Variants in THRB observed in about 807,000 individuals in gnomAD.
THRB encodes nuclear receptor subfamily 1 group A member 2.
THRB carries 12 observed loss-of-function variants against 47.8 expected under a neutral mutation model. That is an observed-to-expected ratio of 0.25 (90% CI 0.16 to 0.41). The LOEUF is 0.41. THRB is among the 10% of genes least tolerant of loss of function. The pLI is 1.00. For missense variants in THRB, 348 were observed against 589.2 expected, an observed-to-expected ratio of 0.59 and a Z score of 4.24; for synonymous variants, 218 against 212.2, an observed-to-expected ratio of 1.03 and a Z score of -0.24.
At chr3:24,469,049 C>T (rs1378054322) in intron 1 of THRB, among the ~76,000 whole-genome samples, 1 of 152,170 alleles carries the variant, frequency 6.6e-6, no homozygotes, top group East Asian at 1.9e-4. Context: ...GACACATCCC[C>T]ATGGCTTTGC....
intron 3 of THRB, among the ~76,000 whole-genome samples, chr3:24,259,512 G>A (rs189725106): frequency 3.3e-5 from 5 of 151,498 alleles, no homozygotes; most frequent in African/African-American, 9.7e-5. Context: ...GGGAGCATAC[G>A]TTTTGAAGGG....
At chr3:24,317,789 G>A (rs1473608331) in intron 2 of THRB, among the ~76,000 whole-genome samples, 1 of 152,196 alleles carries the variant, frequency 6.6e-6, no homozygotes, top group African/African-American at 2.4e-5. Context: ...AGGTTCAGTG[G>A]CTCATGCCTG....
chr3:24,214,161 T>C (rs754545982), intron 4 of THRB, among the ~76,000 whole-genome samples: 2 of 152,140 alleles, frequency 1.3e-5, no homozygotes, highest in Non-Finnish European at 2.9e-5. Flanking sequence ...CACAATGGAC[T>C]TGAGGTGGAT....
At chr3:24,174,146 C>T (rs563514309) in intron 5 of THRB, among the ~76,000 whole-genome samples, 6 of 152,152 alleles carry the variant, frequency 3.9e-5, no homozygotes, top group South Asian at 4.2e-4. Context: ...CGTGTTAAGC[C>T]GGGCATGCAT....
At chr3:24,177,909 A>G (rs1465832459) in intron 5 of THRB, among the ~76,000 whole-genome samples, 1 of 152,344 alleles carries the variant, frequency 6.6e-6, no homozygotes, top group East Asian at 1.9e-4. Context: ...TTAAAATATG[A>G]GACGAGAATA....
chr3:24,255,256 C>A (rs2150407725), intron 3 of THRB, among the ~76,000 whole-genome samples: 1 of 152,274 alleles, frequency 6.6e-6, no homozygotes, highest in East Asian at 1.9e-4. Context: ...TCTATGCATC[C>A]TTTTGTGAAA....
intron 4 of THRB, among the ~76,000 whole-genome samples, chr3:24,206,716 G>A (rs1473512592): frequency 6.6e-6 from 1 of 152,076 alleles, no homozygotes; most frequent in African/African-American, 2.4e-5. Flanking sequence ...TCCAGGAGCT[G>A]GTTTTTTGAA....
At chr3:24,397,527 A>AT (rs2067053883) in intron 1 of THRB, among the ~76,000 whole-genome samples, 1 of 151,706 alleles carries the variant, frequency 6.6e-6, no homozygotes, top group South Asian at 2.1e-4. Context: ...TCACAGAGTA[A>AT]TTTTTATTAG....
At chr3:24,203,424 A>C (rs1339747638) in intron 4 of THRB, among the ~76,000 whole-genome samples, 1 of 152,112 alleles carries the variant, frequency 6.6e-6, no homozygotes, top group African/African-American at 2.4e-5. Context: ...AAAGCATATA[A>C]AGGACATTAT....
chr3:24,379,502 T>G (rs2065537556), intron 1 of THRB, among the ~76,000 whole-genome samples: 1 of 152,096 alleles, frequency 6.6e-6, no homozygotes, highest in South Asian at 2.1e-4. Context: ...AGAATGTGTT[T>G]GGGTGTTTGT....
chr3:24,350,369 C>CA (rs2063287764), intron 1 of THRB, among the ~76,000 whole-genome samples: 1 of 152,056 alleles, frequency 6.6e-6, no homozygotes, highest in African/African-American at 2.4e-5. Flanking sequence ...GAAATGTGTA[C>CA]ACGTGGTCAC....
At chr3:24,336,722 C>CCTTTT (rs1167185445) in intron 2 of THRB, among the ~76,000 whole-genome samples, 3 of 135,960 alleles carry the variant, frequency 2.2e-5, no homozygotes, top group Admixed American at 7.4e-5. Context: ...AATTCTCATG[C>CCTTTT]TTTTTTTTTT....
intron 3 of THRB, among the ~76,000 whole-genome samples, chr3:24,274,229 C>T (rs1166334481): frequency 6.6e-6 from 1 of 152,096 alleles, no homozygotes; most frequent in Non-Finnish European, 1.5e-5. Flanking sequence ...AAATGGAAAG[C>T]CTGTATCACT....
intron 4 of THRB, among the ~76,000 whole-genome samples, chr3:24,195,820 C>CTTA (rs2043886024): frequency 6.6e-6 from 1 of 152,182 alleles, no homozygotes; most frequent in Non-Finnish European, 1.5e-5. Context: ...TGTCCAAATC[C>CTTA]TTATATCACC....
At chr3:24,317,013 C>T (rs577913676) in intron 2 of THRB, among the ~76,000 whole-genome samples, 1 of 152,332 alleles carries the variant, frequency 6.6e-6, no homozygotes, top group Non-Finnish European at 1.5e-5. Flanking sequence ...TACTATCTGT[C>T]TCCCCAAATC....
intron 1 of THRB, among the ~76,000 whole-genome samples, chr3:24,394,741 A>G: frequency 6.6e-6 from 1 of 152,112 alleles, no homozygotes; most frequent in South Asian, 2.1e-4. Context: ...GTTTAAATGT[A>G]TTTGTGTGGA....
At chr3:24,260,002 A>C (rs2051783438) in intron 3 of THRB, among the ~76,000 whole-genome samples, 1 of 152,124 alleles carries the variant, frequency 6.6e-6, no homozygotes, top group Non-Finnish European at 1.5e-5. Context: ...TCAATTTTAG[A>C]ACAGTCTCAT....
At position 24,118,251 on chromosome 3, in the gene THRB, A is replaced by T. The variant is rs1429054158; in HGVS notation, c.*4633T>A. The stretch of plus-strand genomic sequence containing the variant: ...TTTTTCTTTTTTAGAATTTAAGCTT[A>T]TGAGTTTATCTACGCCCACTATATT... On this transcript the variant is annotated 3_prime_UTR_variant, in exon 11 of 11. Transcript: ENST00000646209. The T allele has an allele frequency of 1.3e-5, 2 of 152,606 alleles. No homozygotes were observed. The highest frequency in any genetic ancestry group is 2.9e-5 in the Non-Finnish European group (2 of 68,054). 9.5% of individuals were successfully genotyped at this position (152,606 alleles called of 1,614,324 possible).
At position 24,208,632 on chromosome 3, in the gene THRB, A is replaced by G. The variant is rs186886069; in HGVS notation, c.23-18298T>C. 5.6e-3 allele frequency among the ~76,000 whole-genome samples: 858 copies of G among 152,374 alleles called. 5 individuals are homozygous for G. The highest frequency in any genetic ancestry group is 9.8e-3 in the Non-Finnish European group (669 of 68,040). On this transcript the variant is annotated intron_variant, in intron 4 of 10. Coordinates refer to ENST00000646209, the MANE Select transcript of THRB (RefSeq NM_001354712.2). ...CCTATTTAATAAATGGTGCTGGGAAAACTGGGTAGCCATATGTAGAAAGCT... is the reference window on the plus strand; with the variant it reads ...CCTATTTAATAAATGGTGCTGGGAAGACTGGGTAGCCATATGTAGAAAGCT...
Sources: allele counts gnomAD v4.1 joint callset (sites outside exome capture counted in the v4.1 genomes callset), GRCh38; gene constraint gnomAD v4.1.1; transcripts MANE v1.5; gene names NCBI Gene and HGNC (gene_info 2026-07-23, HGNC 2026-07-21).